LARGE1: variants seen among roughly 807,000 people sequenced by gnomAD.
LARGE1 encodes the protein xylosyl- and glucuronyltransferase LARGE1.
Under a neutral mutation model 87.6 loss-of-function variants are expected in LARGE1, and 43 were observed. The ratio of observed to expected loss-of-function variants is 0.49; its 90% CI spans 0.38 to 0.63. LARGE1 has a LOEUF of 0.63. LARGE1 is among the 30% of genes least tolerant of loss of function. LARGE1 has a pLI of 0.00. For synonymous variants in LARGE1, 434 were observed against 394.6 expected (o/e 1.10, Z -1.18); for missense variants, 802 against 1,000.2 (o/e 0.80, Z 2.67).
intron 7 of LARGE1, among the ~76,000 whole-genome samples, chr22:33,413,048 AG>A (rs1199936608): frequency 6.6e-6 from 1 of 152,242 alleles, no homozygotes; most frequent in Non-Finnish European, 1.5e-5. Context: ...GATGTGAGCT[AG>A]GACCCTAGCA....
chr22:33,746,475 GGA>G (rs1374390669), intron 2 of LARGE1: 1 of 152,314 alleles, frequency 6.6e-6, no homozygotes, highest in Non-Finnish European at 1.5e-5. Flanking sequence ...CTCACTATCT[GGA>G]GTGTGTGAAA....
At chr22:33,804,418 T>G (rs1304720933) in intron 1 of LARGE1, among the ~76,000 whole-genome samples, 1 of 152,196 alleles carries the variant, frequency 6.6e-6, no homozygotes, top group Non-Finnish European at 1.5e-5. Context: ...CATTTATCCA[T>G]TCATTCCATG....
chr22:33,777,055 CAT>C (rs1466949099), intron 1 of LARGE1, among the ~76,000 whole-genome samples: 1 of 152,118 alleles, frequency 6.6e-6, no homozygotes, highest in East Asian at 1.9e-4. Context: ...GCCAGGGACA[CAT>C]GATTCTCAGG....
intron 7 of LARGE1, among the ~76,000 whole-genome samples, chr22:33,407,039 C>G (rs916827441): frequency 5.3e-5 from 8 of 152,242 alleles, no homozygotes; most frequent in African/African-American, 1.9e-4. Context: ...GTGATCCACT[C>G]ACCTCAGCCT....
intron 1 of LARGE1, among the ~76,000 whole-genome samples, chr22:33,764,718 C>T (rs773498305): frequency 6.6e-6 from 1 of 152,150 alleles, no homozygotes; most frequent in Non-Finnish European, 1.5e-5. Flanking sequence ...GATTGTGCCA[C>T]CGCACTCCAG....
At chr22:33,896,166 A>G (rs2065139629) in intron 1 of LARGE1, among the ~76,000 whole-genome samples, 1 of 152,206 alleles carries the variant, frequency 6.6e-6, no homozygotes, top group South Asian at 2.1e-4. Context: ...TAGGGACTTT[A>G]CATAGGTGGA....
chr22:33,530,503 G>A (rs1226457889), intron 6 of LARGE1, among the ~76,000 whole-genome samples: 3 of 140,022 alleles, frequency 2.1e-5, no homozygotes, highest in Non-Finnish European at 4.6e-5. Context: ...GTCTCCTAAT[G>A]ATACTGTTTT....
intron 2 of LARGE1, among the ~76,000 whole-genome samples, chr22:33,710,246 C>T (rs1033093672): frequency 2.6e-5 from 4 of 151,438 alleles, no homozygotes; most frequent in South Asian, 2.1e-4. Context: ...AAATTGTATT[C>T]GGTGTTAAGC....
At chr22:33,913,509 A>C (rs2065696264) in intron 1 of LARGE1, among the ~76,000 whole-genome samples, 1 of 152,152 alleles carries the variant, frequency 6.6e-6, no homozygotes, top group Non-Finnish European at 1.5e-5. Flanking sequence ...TTGTTAAAAC[A>C]TTCGTTTATG....
At chr22:33,886,028 C>CAATA (rs563644263) in intron 1 of LARGE1, among the ~76,000 whole-genome samples, 10 of 151,616 alleles carry the variant, frequency 6.6e-5, no homozygotes, top group South Asian at 2.1e-4. Context: ...AGACTCTGGT[C>CAATA]AATAAATAAA....
chr22:33,578,604 CT>C (rs2078421446), intron 5 of LARGE1, among the ~76,000 whole-genome samples: 1 of 152,152 alleles, frequency 6.6e-6, no homozygotes, highest in African/African-American at 2.4e-5. Flanking sequence ...ACCCAATAAC[CT>C]TTATTACTGT....
chr22:33,706,225 T>C (rs182726764), intron 2 of LARGE1, among the ~76,000 whole-genome samples: 37 of 152,362 alleles, frequency 2.4e-4, no homozygotes, highest in African/African-American at 7.2e-4. Flanking sequence ...AATGCATGTC[T>C]TTCTCTTCTG....
chr22:33,347,454 A>G (rs1377993171), intron 9 of LARGE1, among the ~76,000 whole-genome samples: 1 of 152,240 alleles, frequency 6.6e-6, no homozygotes, highest in African/African-American at 2.4e-5. Flanking sequence ...TGTCTACAGT[A>G]AATCAGTGAT....
intron 2 of LARGE1, among the ~76,000 whole-genome samples, chr22:33,707,133 GAAT>G (rs1029430673): frequency 6.6e-6 from 1 of 152,192 alleles, no homozygotes; most frequent in African/African-American, 2.4e-5. Flanking sequence ...AATTCTAGCT[GAAT>G]AATATCATGG....
At chr22:33,401,816 T>C (rs953180095) in intron 7 of LARGE1, among the ~76,000 whole-genome samples, 26 of 152,122 alleles carry the variant, frequency 1.7e-4, no homozygotes, top group African/African-American at 6.0e-4. Flanking sequence ...AAAAAATAAA[T>C]CTATGTTGTT....
chr22:33,808,043 T>C (rs1027977186), intron 1 of LARGE1, among the ~76,000 whole-genome samples: 1 of 152,230 alleles, frequency 6.6e-6, no homozygotes, highest in African/African-American at 2.4e-5. Flanking sequence ...CTGGGTTGTA[T>C]GGTAAAAGTA....
At chr22:33,902,343 C>A (rs1211558437) in intron 1 of LARGE1, among the ~76,000 whole-genome samples, 1 of 152,202 alleles carries the variant, frequency 6.6e-6, no homozygotes, top group Non-Finnish European at 1.5e-5. Context: ...TGCCTTAGGG[C>A]AGCCACCCAT....
At chr22:33,193,494 G>A (rs56329549) in intron 11 of LARGE1, among the ~76,000 whole-genome samples, 4,586 of 152,262 alleles carry the variant, frequency 0.03, 94 homozygotes, top group Admixed American at 0.056. Context: ...GTGCTATACA[G>A]TGCATTACAC....
intron 6 of LARGE1, among the ~76,000 whole-genome samples, chr22:33,560,928 C>T (rs1487903055): frequency 5.9e-5 from 9 of 152,136 alleles, no homozygotes; most frequent in African/African-American, 2.2e-4. Context: ...CATTCTCCTG[C>T]CTCAGCCTCC....
Sources: gnomAD v4.1 joint callset for allele counts (sites outside exome capture counted in the v4.1 genomes callset) on GRCh38, gnomAD v4.1.1 for gene constraint, MANE v1.5 for transcripts, NCBI Gene and HGNC (gene_info 2026-07-23, HGNC 2026-07-21) for gene names.